QRICH1: variants seen among roughly 807,000 people sequenced by gnomAD.
QRICH1 encodes the protein glutamine rich 1.
Under a neutral mutation model 87.1 loss-of-function variants are expected in QRICH1, and 16 were observed. The ratio of observed to expected loss-of-function variants is 0.18; its 90% confidence interval spans 0.12 to 0.28. The LOEUF (loss-of-function observed/expected upper bound fraction) is 0.28, where lower values mean the gene tolerates loss of function less well. Among genes scored for constraint, QRICH1 ranks in the 10% least tolerant of loss-of-function variants. The pLI is 1.00. For synonymous variants in QRICH1, 367 were observed against 368.4 expected (o/e 1.00, Z 0.05); for missense variants, 647 against 951.7 (o/e 0.68, Z 4.21).
At chr3:49,067,938 G>A (rs1238518933) in intron 2 of QRICH1, among the ~76,000 whole-genome samples, 14 of 149,906 alleles carry the variant, frequency 9.3e-5, no homozygotes, top group Admixed American at 6.0e-4. Context: ...GCGATAGAGC[G>A]AGACTCCGTC....
At chr3:49,078,633 G>C (rs1179198753) in intron 1 of QRICH1, among the ~76,000 whole-genome samples, 1 of 146,952 alleles carries the variant, frequency 6.8e-6, no homozygotes, top group Non-Finnish European at 1.5e-5. Flanking sequence ...CTGACCTCGT[G>C]ATCCGCCTGC....
chr3:49,053,486 C>CAA (rs11417565), intron 3 of QRICH1, among the ~76,000 whole-genome samples: 35,154 of 112,544 alleles, frequency 0.31, 6,383 homozygotes, highest in Non-Finnish European at 0.41. Context: ...CCCCCTGTCT[C>CAA]AAAAAAAAAA....
chr3:49,057,949 A>G lies in QRICH1; in HGVS notation c.310-59T>C. ...AGGCAGCACTGAAAATCCAGTACCC[A>G]AGGAAAGAAAGAAAAGAGATCCCAG... On this transcript the variant is annotated intron_variant, in intron 2 of 9. Transcript: ENST00000395443. The surrounding 1 kb of genome is among the most constrained non-coding windows in gnomAD (Gnocchi z 5.4). 6.2e-7 allele frequency: 1 copy of G among 1,612,732 alleles called. No homozygotes were observed. The highest frequency in any genetic ancestry group is 8.5e-7 in the Non-Finnish European group (1 of 1,179,884).
rs991065442 is a variant in QRICH1 at position 49,062,178 on chromosome 3, T to G, written c.310-4288A>C. ...GGTGAAACCCTGTCTCTACTAAAAA[T>G]ACAAAAATTAGCTGGGCGTGGTTAC... On this transcript the variant is annotated intron_variant, in intron 2 of 9. Coordinates refer to ENST00000395443, the MANE Select transcript of QRICH1 (RefSeq NM_198880.3). 2.2e-4 allele frequency among the ~76,000 whole-genome samples: 33 copies of G among 151,666 alleles called. 1 individual carries two copies. Among genetic ancestry groups the G allele is most frequent in the Admixed American group, 2.2e-3 (33 of 15,186 alleles).
In QRICH1 at chr3:49,077,032, AG is replaced by A; in HGVS notation, c.-16del. 1 of 1,392,200 alleles carries A rather than the reference AG, an allele frequency of 7.2e-7. No homozygotes were observed. Among genetic ancestry groups the A allele is most frequent in the South Asian group, 1.8e-5 (1 of 54,600 alleles). 86.2% of individuals were successfully genotyped at this position (1,392,200 alleles called of 1,614,324 possible). On this transcript the variant is annotated 5_prime_UTR_variant, in exon 2 of 10. Coordinates refer to ENST00000395443, the MANE Select transcript of QRICH1 (RefSeq NM_198880.3). ...GAATTATTCATATTGCAGAGTCCTT[AG>A]GGTTCCTAGAAATAAACAGAAGTCA...
intron 1 of QRICH1, among the ~76,000 whole-genome samples, chr3:49,090,628 CAAAAAAA>C (rs35351750): frequency 8.4e-6 from 1 of 119,506 alleles, no homozygotes; most frequent in Non-Finnish European, 1.7e-5. Flanking sequence ...AACTCCATCT[CAAAAAAA>C]AAAAAAAAAG....
In QRICH1 at chr3:49,029,895, T is replaced by C. The variant is rs1186084338; in HGVS notation, c.*557A>G. 5.9e-6 allele frequency: 1 copy of C among 170,224 alleles called. No individual in the cohort carries two copies. Among genetic ancestry groups the C allele is most frequent in the Non-Finnish European group, 1.3e-5 (1 of 78,228 alleles). The allele number at this position is 170,224 out of a possible 1,614,324, so 10.5% of individuals were successfully genotyped here. ...AAAAAGGCATGGTAAAGTTTTTACT[T>C]TTACATCTAAAATGTCACTTGTCAT... On this transcript the variant is annotated 3_prime_UTR_variant, in exon 10 of 10. Coordinates refer to ENST00000395443, the MANE Select transcript of QRICH1 (RefSeq NM_198880.3).
intron 2 of QRICH1, chr3:49,058,149 A>C: frequency 1.8e-6 from 1 of 547,074 alleles, no homozygotes; most frequent in Non-Finnish European, 3.0e-6. Context: ...GAAATACCAA[A>C]AAAAAAAATT....
chr3:49,030,249 T>C lies in QRICH1; in HGVS notation c.*203A>G. The stretch of plus-strand genomic sequence containing the variant: ...CACTCAAGGAAACCCAGAGCCACCA[T>C]CGGCTGAGGAGTCTGCCGCAGCAGG... On this transcript the variant is annotated 3_prime_UTR_variant, in exon 10 of 10. Coordinates refer to ENST00000395443, the MANE Select transcript of QRICH1 (RefSeq NM_198880.3). 2 of 566,996 alleles carry C rather than the reference T, an allele frequency of 3.5e-6. No homozygotes were observed. 35.1% of individuals were successfully genotyped at this position (566,996 alleles called of 1,614,324 possible).
rs759143455 is a variant in QRICH1 at position 49,057,323 on chromosome 3, G to A, written c.877C>T (p.His293Tyr). ...ATGGTCCCAGTGGCACTGTACAGGT[G>A]GGCACTGTCTACTGTCAGTAAGTCT... Reference protein sequence around the residue: ...RPDLLTVDSAHLYSATGTITS... With the variant: ...RPDLLTVDSAYLYSATGTITS... Residue 293 changes from histidine (H) to tyrosine (Y), a missense_variant, in exon 3 of 10, where the codon CAC (histidine) becomes TAC (tyrosine). His to Tyr is a moderately conservative substitution (Grantham distance 83). Around this residue, in one of 7 missense-constraint regions of QRICH1, gnomAD observed 75 missense variants for 141.0 expected, o/e 0.53. Transcript: ENST00000395443. The surrounding 1 kb of genome is among the most constrained non-coding windows in gnomAD (Gnocchi z 5.4). 6.2e-7 allele frequency: 1 copy of A among 1,614,220 alleles called. No individual in the cohort carries two copies. Among genetic ancestry groups the A allele is most frequent in the Non-Finnish European group, 8.5e-7 (1 of 1,180,048 alleles).
chr3:49,054,045 C>T (rs947283636), intron 3 of QRICH1, among the ~76,000 whole-genome samples: 6 of 152,142 alleles, frequency 3.9e-5, no homozygotes, highest in African/African-American at 9.7e-5. Flanking sequence ...GATGGAAAAT[C>T]GGGATTCTTC....
chr3:49,031,248 A>G (rs1418503855), intron 9 of QRICH1, among the ~76,000 whole-genome samples: 1 of 152,102 alleles, frequency 6.6e-6, no homozygotes, highest in Non-Finnish European at 1.5e-5. Context: ...TTGGCCTCCC[A>G]AAGTGCTTGG....
intron 1 of QRICH1, among the ~76,000 whole-genome samples, chr3:49,091,344 A>G (rs2042271267): frequency 6.6e-6 from 1 of 152,214 alleles, no homozygotes; most frequent in Admixed American, 6.5e-5. Flanking sequence ...AGCAGACAAG[A>G]AAGAAATATG....
intron 5 of QRICH1, among the ~76,000 whole-genome samples, chr3:49,046,019 G>A (rs2093337342): frequency 6.6e-6 from 1 of 150,878 alleles, no homozygotes; most frequent in South Asian, 2.1e-4. Flanking sequence ...GGGTTCAAGC[G>A]ATTCTCATGC....
intron 6 of QRICH1, chr3:49,033,778 G>C (rs545580402): frequency 6.6e-6 from 1 of 152,286 alleles, no homozygotes; most frequent in African/African-American, 2.4e-5. Context: ...CACGAGGTCA[G>C]GAGATTGAGA....
chr3:49,040,703 C>T (rs919368189), intron 6 of QRICH1, among the ~76,000 whole-genome samples: 7 of 152,112 alleles, frequency 4.6e-5, no homozygotes, highest in South Asian at 2.1e-4. Context: ...CGGATATTTG[C>T]GTGAACACAA....
chr3:49,088,040 C>T (rs1363825189), intron 1 of QRICH1, among the ~76,000 whole-genome samples: 1 of 150,808 alleles, frequency 6.6e-6, no homozygotes, highest in Non-Finnish European at 1.5e-5. Flanking sequence ...CAAGCTCTGT[C>T]TCCCGGGTTC....
intron 6 of QRICH1, among the ~76,000 whole-genome samples, chr3:49,037,494 G>A (rs2093282702): frequency 6.6e-6 from 1 of 152,246 alleles, no homozygotes; most frequent in East Asian, 1.9e-4. Flanking sequence ...CACTTTGGGA[G>A]GCTGAGGCAG....
chr3:49,049,306 A>G (rs1451962973), intron 3 of QRICH1, among the ~76,000 whole-genome samples: 1 of 151,572 alleles, frequency 6.6e-6, no homozygotes, highest in African/African-American at 2.4e-5. Flanking sequence ...TTAGCCAGGC[A>G]TAGTGGCTCA....
Sources: gnomAD v4.1 joint callset for allele counts (sites outside exome capture counted in the v4.1 genomes callset) on GRCh38, gnomAD v4.1.1 for gene constraint, gnomAD v4.1.1 regional missense constraint, Gnocchi (gnomAD v3.1) non-coding constraint, MANE v1.5 for transcripts, NCBI Gene and HGNC (gene_info 2026-07-23, HGNC 2026-07-21) for gene names.